The following FREM1 variants were observed in gnomAD, a reference collection of about 807,000 sequenced individuals.
The protein encoded by FREM1 is FRAS1 related extracellular matrix 1, also known as FRAS1-related extracellular matrix protein 1.
Under a neutral mutation model 210.1 loss-of-function variants are expected in FREM1, and 220 were observed. That is an observed-to-expected ratio of 1.05 (90% CI 0.94 to 1.17). The LOEUF is 1.17. Ranked by LOEUF, FREM1 falls within the 50% of genes most tolerant of loss-of-function variation. FREM1 has a pLI of 0.00. For synonymous variants in FREM1, 1,189 were observed against 980.2 expected, an observed-to-expected ratio of 1.21 and a Z score of -3.98; for missense variants, 3,454 against 2,675.5, an observed-to-expected ratio of 1.29 and a Z score of -6.42.
chr9:14,762,261 A>G lies in FREM1; in HGVS notation c.5205-2360T>C, dbSNP rs1845628413. Among the ~76,000 whole-genome samples, 5 of 152,338 alleles carry G rather than the reference A, an allele frequency of 3.3e-5. No individual in the cohort carries two copies. The South Asian group carries it at 8.3e-4, about 25-fold the overall frequency. On this transcript the variant is annotated intron_variant, in intron 27 of 36. Coordinates refer to ENST00000380880, the MANE Select transcript of FREM1 (RefSeq NM_001379081.2). ...GATGAAATGGGAAGGAAAGGAGGAC[A>G]GTGGGAAAGAATGAAACAAATACAT...
chr9:14,842,438 A>T lies in FREM1; in HGVS notation c.1616T>A (p.Leu539Gln), dbSNP rs534928930. The change falls in exon 9 of 37, where the codon CTG (leucine) becomes CAG (glutamine). Residue 539 changes from leucine to glutamine, a missense_variant. Coordinates refer to ENST00000380880, the MANE Select transcript of FREM1 (RefSeq NM_001379081.2). ...VIELEEGQTI[L>Q]IQGSMLRASD... ...AGCTCGCAGCATGGATCCCTGGATC[A>T]GGATGGTCTGCCCCTCCTCCAGTTC... 8.1e-6 allele frequency: 13 copies of T among 1,614,036 alleles called. No individual in the cohort carries two copies. In the Admixed American group the frequency reaches 1.7e-4, roughly 21 times the overall value.
At chr9:14,834,356 T>C (rs1824150737) in intron 10 of FREM1, among the ~76,000 whole-genome samples, 1 of 152,150 alleles carries the variant, frequency 6.6e-6, no homozygotes, top group Non-Finnish European at 1.5e-5. Flanking sequence ...AATTAAGCAT[T>C]GAAATAAAAG....
At chr9:14,843,225 G>C (rs1825992575) in intron 8 of FREM1, among the ~76,000 whole-genome samples, 1 of 152,090 alleles carries the variant, frequency 6.6e-6, no homozygotes, top group South Asian at 2.1e-4. Context: ...TTGAACTCTG[G>C]AACATAAACC....
intron 25 of FREM1, among the ~76,000 whole-genome samples, chr9:14,773,483 A>T (rs940428621): frequency 4.6e-5 from 7 of 152,104 alleles, no homozygotes; most frequent in African/African-American, 1.7e-4. Flanking sequence ...TCTCTCCTAC[A>T]CTGCTGGTGG....
chr9:14,886,368 G>A, intron 1 of FREM1, among the ~76,000 whole-genome samples: 1 of 109,946 alleles, frequency 9.1e-6, no homozygotes, highest in African/African-American at 3.6e-5. Flanking sequence ...CCTGGTGACA[G>A]AGTGAGACTC....
At chr9:14,755,155 C>G (rs760768264) in intron 29 of FREM1, among the ~76,000 whole-genome samples, 1 of 152,180 alleles carries the variant, frequency 6.6e-6, no homozygotes, top group Non-Finnish European at 1.5e-5. Context: ...AGAACTGAGA[C>G]ACTCGATGTC....
intron 10 of FREM1, among the ~76,000 whole-genome samples, chr9:14,827,245 G>C (rs1246452602): frequency 2.0e-5 from 3 of 152,142 alleles, no homozygotes; most frequent in Non-Finnish European, 4.4e-5. Flanking sequence ...CATACAAACA[G>C]TAAAGGCCCT....
In FREM1 at chr9:14,848,686, G is replaced by A. The variant is rs753862574; in HGVS notation, c.1240C>T (p.Pro414Ser). 19 of 1,607,118 alleles carry A rather than the reference G, an allele frequency of 1.2e-5. No homozygotes were observed. The Admixed American group carries it at 2.5e-4, about 21-fold the overall frequency. The change falls in exon 7 of 37, where the codon CCC (proline) becomes TCC (serine). Residue 414 changes from proline (P) to serine (S), a missense_variant. Physicochemically the swap from Pro to Ser is moderately conservative, Grantham distance 74. Coordinates refer to ENST00000380880, the MANE Select transcript of FREM1 (RefSeq NM_001379081.2). ...ISIRTADTNA[P>S]RVSWNTGLSL... ...TTACCTGTATTCCAGGATACACGGG[G>A]GGCATTTGTATCTGCTGTTCTGATG... is the stretch of plus-strand genomic sequence containing the variant.
rs148037543 is a variant in FREM1, at chr9:14,910,179, T to C, written c.-533A>G. 6.6e-6 allele frequency: 1 copy of C among 152,384 alleles called. No individual in the cohort carries two copies. Among genetic ancestry groups the C allele is most frequent in the Non-Finnish European group, 1.5e-5 (1 of 68,076 alleles). The allele number at this position is 152,384 out of a possible 1,614,324, so 9.4% of individuals were successfully genotyped here. ...CACACTCCACTTTCTTTGCTGGTCTTCTCCAAGGCAGCTGCTGCAGCTTTG... is the reference window on the plus strand; with the variant it reads ...CACACTCCACTTTCTTTGCTGGTCTCCTCCAAGGCAGCTGCTGCAGCTTTG... On this transcript the variant is annotated 5_prime_UTR_variant, in exon 1 of 37. Transcript: ENST00000380880.
At chr9:14,817,984 T>C (rs916755457) in intron 14 of FREM1, among the ~76,000 whole-genome samples, 3 of 152,258 alleles carry the variant, frequency 2.0e-5, no homozygotes, top group Non-Finnish European at 2.9e-5. Context: ...ATCCAAAGGA[T>C]GACTGGAGTC....
In FREM1 at chr9:14,869,125, T is replaced by C; in HGVS notation, c.-148A>G. On this transcript the variant is annotated 5_prime_UTR_variant, in exon 2 of 37. Transcript: ENST00000380880. ...GTGCCCCGAGATCTTAACATGCCCC[T>C]TTCATTTCAAAGTCAGACAAGGGGG... 1.8e-6 allele frequency: 1 copy of C among 561,912 alleles called. No individual in the cohort carries two copies. The highest frequency in any genetic ancestry group is 3.1e-6 in the Non-Finnish European group (1 of 320,486). The allele number at this position is 561,912 out of a possible 1,614,324, so 34.8% of individuals were successfully genotyped here.
intron 31 of FREM1, 48 bp downstream of exon 31, chr9:14,748,353 T>C (rs1344700333): frequency 4.8e-6 from 5 of 1,038,480 alleles, no homozygotes; most frequent in Non-Finnish European, 7.3e-6. Context: ...TTCTGATCCT[T>C]TTAATATGTA....
intron 7 of FREM1, among the ~76,000 whole-genome samples, chr9:14,846,597 T>C (rs1826668650): frequency 6.6e-6 from 1 of 152,112 alleles, no homozygotes; most frequent in Non-Finnish European, 1.5e-5. Flanking sequence ...AAAAGATGAG[T>C]GAATTTCCAC....
At chr9:14,891,496 G>C (rs935654546) in intron 1 of FREM1, among the ~76,000 whole-genome samples, 5 of 152,238 alleles carry the variant, frequency 3.3e-5, no homozygotes, top group Admixed American at 2.6e-4. Context: ...GGAGGCTGAG[G>C]CAGGAGGATT....
chr9:14,784,341 G>C, intron 24 of FREM1, 29 bp downstream of exon 24: 1 of 1,598,822 alleles, frequency 6.3e-7, no homozygotes, highest in Non-Finnish European at 8.5e-7. Context: ...ATCCAAAGAA[G>C]GGGTTTGAAA....
intron 9 of FREM1, 32 bp downstream of exon 9, chr9:14,842,284 C>T (rs757954690): frequency 7.4e-7 from 1 of 1,347,538 alleles, no homozygotes; most frequent in Non-Finnish European, 1.0e-6. Flanking sequence ...GAGTGAATTC[C>T]ATTCAAATGA....
rs141957110 is a variant in FREM1, at chr9:14,745,128, G to C, written c.6254+1225C>G. On this transcript the variant is annotated intron_variant, in intron 35 of 36. Transcript: ENST00000380880. ...GGGTCTATTGGAGTTTGGAAAGTGA[G>C]AGGAGGAAGAAGATCAGGAAAAATC... Among the ~76,000 whole-genome samples the C allele has an allele frequency of 2.0e-3, 306 of 152,316 alleles. 1 individual carries two copies. Among genetic ancestry groups the C allele is most frequent in the African/African-American group, 6.9e-3 (288 of 41,576 alleles).
intron 22 of FREM1, 118 bp from the exon 23 acceptor site, chr9:14,789,232 T>C (rs1850896228): frequency 1.6e-6 from 1 of 626,590 alleles, no homozygotes; most frequent in Admixed American, 3.6e-5. Context: ...TTCAGGGAAA[T>C]TCCAGACTAC....
intron 1 of FREM1, among the ~76,000 whole-genome samples, chr9:14,882,728 A>AT (rs907057781): frequency 2.0e-5 from 3 of 151,650 alleles, no homozygotes; most frequent in East Asian, 1.9e-4. Context: ...AAGTGCTGGG[A>AT]TTACAGGTGT....
Sources: allele counts gnomAD v4.1 joint callset (sites outside exome capture counted in the v4.1 genomes callset), GRCh38; gene constraint gnomAD v4.1.1; transcripts MANE v1.5; gene names NCBI Gene and HGNC (gene_info 2026-07-23, HGNC 2026-07-21).